Variants in PLA2G4A observed in about 807,000 individuals in gnomAD.
PLA2G4A encodes the protein phospholipase A2 group IVA, also known as cytosolic phospholipase A2.
A neutral mutation model predicts 81.9 loss-of-function variants in PLA2G4A; 40 were observed. The observed-to-expected ratio is 0.49, with a 90% CI of 0.38 to 0.64. The LOEUF is 0.64. PLA2G4A is among the 30% of genes least tolerant of loss of function. The probability of loss-of-function intolerance (pLI) is 0.00; values close to 1 mark genes in which losing one functional copy is unlikely to be tolerated. For synonymous variants in PLA2G4A, 302 were observed against 296.9 expected, an observed-to-expected ratio of 1.02 and a Z score of -0.18; for missense variants, 715 against 905.1, an observed-to-expected ratio of 0.79 and a Z score of 2.69.
intron 15 of PLA2G4A, among the ~76,000 whole-genome samples, chr1:186,968,672 T>C (rs1657226662): frequency 1.3e-5 from 2 of 151,958 alleles, no homozygotes; most frequent in African/African-American, 4.8e-5. Flanking sequence ...ATTATTGCTA[T>C]CTTGCCACCT....
chr1:186,855,441 A>G (rs751788867), intron 2 of PLA2G4A, among the ~76,000 whole-genome samples: 12 of 152,006 alleles, frequency 7.9e-5, no homozygotes, highest in Non-Finnish European at 1.8e-4. Flanking sequence ...CATAAAGTGC[A>G]TAAATCTTAA....
intron 8 of PLA2G4A, among the ~76,000 whole-genome samples, chr1:186,936,763 C>CACAAAATCTA (rs1655960670): frequency 6.6e-6 from 1 of 151,882 alleles, no homozygotes; most frequent in South Asian, 2.1e-4. Flanking sequence ...TTTAAAATGT[C>CACAAAATCTA]ACAAAATCTA....
chr1:186,837,755 A>AAG (rs375530687), intron 1 of PLA2G4A, among the ~76,000 whole-genome samples: 1,728 of 147,522 alleles, frequency 0.012, 90 homozygotes, highest in African/African-American at 0.042. Context: ...AAAAAAAAGA[A>AAG]AAAGAAAAGA....
chr1:186,934,463 T>TATATATATACACAC (rs368585350), intron 8 of PLA2G4A, among the ~76,000 whole-genome samples: 1 of 143,480 alleles, frequency 7.0e-6, no homozygotes, highest in African/African-American at 2.6e-5. Flanking sequence ...TATATATATA[T>TATATATATACACAC]ACATACACAG....
chr1:186,853,196 C>T (rs1652435414), intron 1 of PLA2G4A, among the ~76,000 whole-genome samples: 2 of 151,588 alleles, frequency 1.3e-5, no homozygotes, highest in South Asian at 4.2e-4. Context: ...ATATTTTTTA[C>T]AACCAAATAT....
rs200243876 is a variant in PLA2G4A at position 186,911,389 on chromosome 1, T to C, written c.558T>C (p.Asp186=). The change falls in exon 7 of 18, where the codon GAT becomes GAC. Residue 186 remains aspartate (D), a splice_region_variant and synonymous_variant. Coordinates refer to ENST00000367466, the MANE Select transcript of PLA2G4A (RefSeq NM_024420.3). The part of the protein sequence containing the change: ...KNSEGLHSAR[D]VPVVAILGSG... Reference sequence around the variant, plus strand: ...GTGAAGGATTGCATTCTGCACGTGATGTGAGTTGGAAATTTTTCAAGTGTT... The same window carrying C: ...GTGAAGGATTGCATTCTGCACGTGACGTGAGTTGGAAATTTTTCAAGTGTT... 1.2e-6 allele frequency: 2 copies of C among 1,607,082 alleles called. No homozygotes were observed. The highest frequency in any genetic ancestry group is 1.7e-6 in the Non-Finnish European group (2 of 1,173,642).
chr1:186,955,933 T>G (rs5007827), intron 13 of PLA2G4A, among the ~76,000 whole-genome samples, 169 bp from the exon 14 acceptor site: 141,948 of 148,224 alleles, frequency 0.96, 68,022 homozygotes, highest in East Asian at 1. Flanking sequence ...GTAGAGATGG[T>G]GTTTCACCTT....
At chr1:186,829,400 C>G (rs1329057756) in intron 1 of PLA2G4A, among the ~76,000 whole-genome samples, 1 of 152,208 alleles carries the variant, frequency 6.6e-6, no homozygotes, top group African/African-American at 2.4e-5. Flanking sequence ...ACTTGAGCAG[C>G]AGCATGCTGT....
At chr1:186,906,136 C>T (rs1272993240) in intron 5 of PLA2G4A, among the ~76,000 whole-genome samples, 1 of 152,176 alleles carries the variant, frequency 6.6e-6, no homozygotes, top group Non-Finnish European at 1.5e-5. Context: ...AACACATTTA[C>T]AACTGTGTAG....
intron 5 of PLA2G4A, among the ~76,000 whole-genome samples, chr1:186,897,531 C>G (rs1057005573): frequency 5.3e-5 from 8 of 151,910 alleles, no homozygotes; most frequent in Admixed American, 3.9e-4. Context: ...TTTTTTGAGA[C>G]AGGGTCTCGC....
chr1:186,975,682 T>C (rs958812783), intron 15 of PLA2G4A, among the ~76,000 whole-genome samples: 1 of 152,228 alleles, frequency 6.6e-6, no homozygotes, highest in African/African-American at 2.4e-5. Context: ...GTGAATAATC[T>C]AGTCTGTGTT....
Position 186,854,401 on chromosome 1 carries a change from T to C in PLA2G4A, c.33+14T>C. ...CAGCACATTATAGTAAGTCATTCAC[T>C]GTTTATGAATTCTTTCTTGGAGGGG... is the stretch of plus-strand genomic sequence containing the variant. On this transcript the variant is annotated intron_variant, in intron 2 of 17. Coordinates refer to ENST00000367466, the MANE Select transcript of PLA2G4A (RefSeq NM_024420.3). 6.6e-7 allele frequency: 1 copy of C among 1,526,336 alleles called. No individual in the cohort carries two copies. The highest frequency in any genetic ancestry group is 9.1e-7 in the Non-Finnish European group (1 of 1,100,382). The allele number at this position is 1,526,336 out of a possible 1,614,324, so 94.5% of individuals were successfully genotyped here.
chr1:186,841,463 G>C (rs1314331330), intron 1 of PLA2G4A, among the ~76,000 whole-genome samples: 1 of 152,182 alleles, frequency 6.6e-6, no homozygotes, highest in Non-Finnish European at 1.5e-5. Context: ...GATGCCAGTA[G>C]GGTATAAAGA....
chr1:186,932,703 AG>A (rs1655794631), intron 7 of PLA2G4A, 59 bp from the exon 8 acceptor site: 1 of 1,520,306 alleles, frequency 6.6e-7, no homozygotes, highest in Admixed American at 1.7e-5. Flanking sequence ...TTGAGACTAA[AG>A]GGAACTGTAT....
At chr1:186,984,358 A>C (rs762196453) in intron 17 of PLA2G4A, among the ~76,000 whole-genome samples, 7 of 152,202 alleles carry the variant, frequency 4.6e-5, no homozygotes, top group Admixed American at 3.3e-4. Flanking sequence ...TTAATTTGCT[A>C]TCACAGGAAA....
chr1:186,846,276 A>T (rs937228852), intron 1 of PLA2G4A, among the ~76,000 whole-genome samples: 1 of 152,348 alleles, frequency 6.6e-6, no homozygotes, highest in Non-Finnish European at 1.5e-5. Context: ...ACATGCAGCC[A>T]CTGCCTGACA....
At position 186,830,608 on chromosome 1, in the gene PLA2G4A, C is replaced by CAAAAAAAAAAA. The variant is rs55745208; in HGVS notation, c.-70+1587_-70+1597dup. On this transcript the variant is annotated intron_variant, in intron 1 of 17. Transcript: ENST00000367466. ...GAGCGAAAACAGCGAAGCTCTGTCT[C>CAAAAAAAAAAA]AAAAAAAAAAAAAAAAAAAAAAAAG... is the stretch of plus-strand genomic sequence containing the variant. Among the ~76,000 whole-genome samples, 124 of 72,666 alleles carry CAAAAAAAAAAA rather than the reference C, an allele frequency of 1.7e-3. 8 individuals carry two copies. Among genetic ancestry groups the CAAAAAAAAAAA allele is most frequent in the African/African-American group, 6.0e-3 (112 of 18,576 alleles). 47.7% of individuals were successfully genotyped at this position (72,666 alleles called of 152,430 possible).
chr1:186,838,800 C>T (rs74137521), intron 1 of PLA2G4A, among the ~76,000 whole-genome samples: 1,597 of 152,058 alleles, frequency 0.011, 30 homozygotes, highest in African/African-American at 0.036. Context: ...TTATAGACTT[C>T]GAATCATTAG....
chr1:186,906,783 G>A (rs1654752804), intron 5 of PLA2G4A, among the ~76,000 whole-genome samples, 182 bp from the exon 6 acceptor site: 1 of 152,140 alleles, frequency 6.6e-6, no homozygotes, highest in Non-Finnish European at 1.5e-5. Context: ...ATACCAAAAA[G>A]TTGGTTTACT....
Sources: allele counts gnomAD v4.1 joint callset (sites outside exome capture counted in the v4.1 genomes callset), GRCh38; gene constraint gnomAD v4.1.1; transcripts MANE v1.5; gene names NCBI Gene and HGNC (gene_info 2026-07-23, HGNC 2026-07-21).